The following HMCN2 variants were observed in gnomAD, a reference collection of about 807,000 sequenced individuals.
The protein encoded by HMCN2 is hemicentin 2.
A neutral mutation model predicts 377.5 loss-of-function variants in HMCN2; 325 were observed. The observed-to-expected ratio is 0.86, with a 90% confidence interval of 0.79 to 0.94. The LOEUF (loss-of-function observed/expected upper bound fraction) is 0.94, where lower values mean the gene tolerates loss of function less well. Among genes scored for constraint, HMCN2 ranks in the 40% least tolerant of loss-of-function variants. The pLI is 0.00. For synonymous variants in HMCN2, 2,007 were observed against 2,046.8 expected, an observed-to-expected ratio of 0.98 and a Z score of 0.53; for missense variants, 4,543 against 4,725.3, an observed-to-expected ratio of 0.96 and a Z score of 1.13.
intron 15 of HMCN2, among the ~76,000 whole-genome samples, chr9:130,316,136 A>G (rs1206819960): frequency 6.6e-6 from 1 of 152,222 alleles, no homozygotes; most frequent in African/African-American, 2.4e-5. Context: ...GGCCACTGCC[A>G]TGACTGAACT....
intron 25 of HMCN2, among the ~76,000 whole-genome samples, chr9:130,343,571 C>T (rs1839181243): frequency 5.9e-5 from 9 of 152,062 alleles, no homozygotes. Context: ...TTGACTATGG[C>T]GCCACCTTGC....
rs558647427 is a variant in HMCN2, at chr9:130,407,699, G to A, written c.12682G>A (p.Val4228Met). Residue 4228 changes from valine (V) to methionine (M), a missense_variant, in exon 83 of 98, where the codon GTG becomes ATG. Around this residue, in one of 5 missense-constraint regions of HMCN2, gnomAD observed 1,073 missense variants for 1,319.5 expected, o/e 0.81. Transcript: ENST00000683500. ...GRTQAVSFVHVKEAPVLQGEA... is the reference protein window; with the variant it reads ...GRTQAVSFVHMKEAPVLQGEA... ...CACGCAGGCGGTCAGCTTCGTCCAC[G>A]TGAAGGGTAGGGCACATTCCCCAGG... The A allele has an allele frequency of 7.2e-6, 9 of 1,245,692 alleles. No individual in the cohort carries two copies. The highest frequency in any genetic ancestry group is 6.2e-5 in the African/African-American group (4 of 64,552). 77.2% of individuals were successfully genotyped at this position (1,245,692 alleles called of 1,614,324 possible).
chr9:130,272,994 C>A (rs1554921711), intron 1 of HMCN2, among the ~76,000 whole-genome samples: 1 of 152,128 alleles, frequency 6.6e-6, no homozygotes, highest in South Asian at 2.1e-4. Flanking sequence ...TGTGTTAAAT[C>A]TTGATTTTGG....
intron 1 of HMCN2, among the ~76,000 whole-genome samples, chr9:130,268,367 T>C (rs1430365952): frequency 8.0e-6 from 1 of 124,342 alleles, no homozygotes; most frequent in Non-Finnish European, 2.0e-5. Flanking sequence ...AGCTTCCGAG[T>C]GACACCCCCA....
At chr9:130,432,400 TC>T (rs1261443021) in intron 96 of HMCN2, 28 bp from the exon 97 acceptor site, 1 of 1,550,308 alleles carries the variant, frequency 6.5e-7, no homozygotes, top group Admixed American at 2.0e-5. Flanking sequence ...TTCATCTCCC[TC>T]CCCCGCTTCA....
Position 130,423,577 on chromosome 9 carries a change from G to A in HMCN2, c.13381+851G>A, listed in dbSNP as rs893641709. ...CCAGGCTTTGTTCCATGAAACAGACGCACAGAGAGGCTGGGAAGGTGGTGC... is the reference window on the plus strand; with the variant it reads ...CCAGGCTTTGTTCCATGAAACAGACACACAGAGAGGCTGGGAAGGTGGTGC... On this transcript the variant is annotated intron_variant, in intron 87 of 97. Transcript: ENST00000683500. The surrounding 1 kb of genome is among the most constrained non-coding windows in gnomAD (Gnocchi z 5.5). Among the ~76,000 whole-genome samples, 2 of 152,192 alleles carry A rather than the reference G, an allele frequency of 1.3e-5. No individual in the cohort carries two copies. The highest frequency in any genetic ancestry group is 2.4e-5 in the African/African-American group (1 of 41,450).
Position 130,369,630 on chromosome 9 carries a change from G to C in HMCN2, c.6848G>C (p.Gly2283Ala). ...PPTQVSVVQD[G>A]VATLECNATG... ...ACACAAGTCTCTGTGGTCCAGGATG[G>C]AGTGGCCACTCTGGAGTGCAACGCC... is the stretch of plus-strand genomic sequence containing the variant. Residue 2283 changes from glycine to alanine, a missense_variant, in exon 45 of 98, where the codon GGA (glycine) becomes GCA (alanine). By Grantham distance (60) the Gly-to-Ala change is moderately conservative. Transcript: ENST00000683500. This position sits in a 1 kb window ranked among gnomAD's most constrained non-coding sequence, Gnocchi z 4.5. 1 of 985,906 alleles carries C rather than the reference G, an allele frequency of 1.0e-6. No individual in the cohort carries two copies. Among genetic ancestry groups the C allele is most frequent in the Non-Finnish European group, 1.2e-6 (1 of 829,960 alleles). The allele number at this position is 985,906 out of a possible 1,614,324, so 61.1% of individuals were successfully genotyped here.
Position 130,386,500 on chromosome 9 carries a change from C to T in HMCN2, c.9367C>T (p.Arg3123Trp), listed in dbSNP as rs1453026012. ...KVSNVAGEAV[R>W]TFTLTVQVPP... ...CAGCAACGTGGCTGGGGAGGCCGTG[C>T]GGACCTTCACCCTCACCGTCCAGGG... Residue 3123 changes from arginine to tryptophan, a missense_variant, in exon 61 of 98, where the codon CGG (arginine) becomes TGG (tryptophan). Transcript: ENST00000683500. The T allele has an allele frequency of 8.4e-6, 11 of 1,303,378 alleles. No individual in the cohort carries two copies. The highest frequency in any genetic ancestry group is 3.0e-5 in the African/African-American group (2 of 65,856). The allele number at this position is 1,303,378 out of a possible 1,614,324, so 80.7% of individuals were successfully genotyped here. A position where few individuals can be genotyped will look rare whatever the true frequency, so the allele number is the denominator to read the frequency against.
In HMCN2 at chr9:130,433,965, T is replaced by G; in HGVS notation, c.*272T>G. ...GCCCGGATCAGACCTCCAGGTCTGA[T>G]CCGCCCCTCAGTGGGAGCGGGACAG... is the stretch of plus-strand genomic sequence containing the variant. On this transcript the variant is annotated 3_prime_UTR_variant, in exon 98 of 98. Coordinates refer to ENST00000683500, the MANE Select transcript of HMCN2 (RefSeq NM_001291815.2). 8 of 363,826 alleles carry G rather than the reference T, an allele frequency of 2.2e-5. No homozygotes were observed. Among genetic ancestry groups the G allele is most frequent in the Non-Finnish European group, 2.9e-5 (6 of 205,006 alleles). The allele number at this position is 363,826 out of a possible 1,614,324, so 22.5% of individuals were successfully genotyped here.
Position 130,360,503 on chromosome 9 carries a change from T to C in HMCN2, c.5849T>C (p.Leu1950Pro). 1 of 1,304,164 alleles carries C rather than the reference T, an allele frequency of 7.7e-7. No homozygotes were observed. Among genetic ancestry groups the C allele is most frequent in the Non-Finnish European group, 1.0e-6 (1 of 988,928 alleles). 80.8% of individuals were successfully genotyped at this position (1,304,164 alleles called of 1,614,324 possible). A position where few individuals can be genotyped will look rare whatever the true frequency, so the allele number is the denominator to read the frequency against. Reference protein sequence around the residue: ...GVTVSVDGRVLRIEQAQLSDA... With the variant: ...GVTVSVDGRVPRIEQAQLSDA... The stretch of plus-strand genomic sequence containing the variant: ...ACAGTATCAGTGGATGGGAGAGTTC[T>C]CCGCATTGAGCAAGCCCAGCTTTCT... Residue 1950 changes from leucine (L) to proline (P), a missense_variant, in exon 38 of 98, where the codon CTC becomes CCC. Coordinates refer to ENST00000683500, the MANE Select transcript of HMCN2 (RefSeq NM_001291815.2). The surrounding 1 kb of genome is among the most constrained non-coding windows in gnomAD (Gnocchi z 4.7).
Position 130,347,937 on chromosome 9 carries a change from C to T in HMCN2, c.4024+577C>T. 1 of 942,464 alleles carries T rather than the reference C, an allele frequency of 1.1e-6. No homozygotes were observed. Among genetic ancestry groups the T allele is most frequent in the African/African-American group, 1.8e-5 (1 of 55,338 alleles). 58.4% of individuals were successfully genotyped at this position (942,464 alleles called of 1,614,324 possible). A position where few individuals can be genotyped will look rare whatever the true frequency, so the allele number is the denominator to read the frequency against. Reference sequence around the variant, plus strand: ...CCCACCTCCGGGTTAAAACTGTTACCCCTGGTCTCTTCTCACATTCTTGTC... The same window carrying T: ...CCCACCTCCGGGTTAAAACTGTTACTCCTGGTCTCTTCTCACATTCTTGTC... On this transcript the variant is annotated intron_variant, in intron 26 of 97. Transcript: ENST00000683500. This position sits in a 1 kb window ranked among gnomAD's most constrained non-coding sequence, Gnocchi z 5.1.
intron 75 of HMCN2, 66 bp downstream of exon 75, chr9:130,398,773 G>C (rs751284796): frequency 3.3e-6 from 4 of 1,230,044 alleles, no homozygotes; most frequent in Non-Finnish European, 2.1e-6. Flanking sequence ...CTCTTCTCAC[G>C]GGGGCATGGG....
At chr9:130,371,997 T>C (rs1841049063) in intron 46 of HMCN2, among the ~76,000 whole-genome samples, 1 of 152,182 alleles carries the variant, frequency 6.6e-6, no homozygotes, top group Non-Finnish European at 1.5e-5. Context: ...CATAACCCAT[T>C]ACTCTCCCTT....
At position 130,393,183 on chromosome 9, in the gene HMCN2, CCTT is replaced by C. The variant is rs1588383066; in HGVS notation, c.10137-26_10137-24del. The C allele has an allele frequency of 1.0e-6, 1 of 985,296 alleles. No homozygotes were observed. Among genetic ancestry groups the C allele is most frequent in the Non-Finnish European group, 1.2e-6 (1 of 827,646 alleles). The allele number at this position is 985,296 out of a possible 1,614,324, so 61.0% of individuals were successfully genotyped here. A position where few individuals can be genotyped will look rare whatever the true frequency, so the allele number is the denominator to read the frequency against. ...CTCTCTCTCTCCCTTTCTCTTGTCT[CCTT>C]CTCCCTCTCCTCTCGGGGGATTCAG... On this transcript the variant is annotated intron_variant, in intron 66 of 97. Coordinates refer to ENST00000683500, the MANE Select transcript of HMCN2 (RefSeq NM_001291815.2). The surrounding 1 kb of genome is among the most constrained non-coding windows in gnomAD (Gnocchi z 5.2).
intron 1 of HMCN2, among the ~76,000 whole-genome samples, chr9:130,275,409 C>T (rs1280531330): frequency 6.6e-5 from 10 of 152,154 alleles, no homozygotes; most frequent in Non-Finnish European, 5.9e-5. Context: ...GTGTGTGTAC[C>T]TGTGATTTTT....
chr9:130,271,594 T>G (rs1368438441), intron 1 of HMCN2, among the ~76,000 whole-genome samples: 1 of 149,132 alleles, frequency 6.7e-6, no homozygotes, highest in African/African-American at 2.4e-5. Flanking sequence ...TTTTTGTTTT[T>G]GTTTTTGTTT....
Position 130,392,734 on chromosome 9 carries a change from A to G in HMCN2, c.10137-478A>G, listed in dbSNP as rs186578493. 6.2e-4 allele frequency among the ~76,000 whole-genome samples: 88 copies of G among 142,608 alleles called. 3 individuals carry two copies. The East Asian group carries it at 0.012, about 19-fold the overall frequency. 93.6% of individuals were successfully genotyped at this position (142,608 alleles called of 152,430 possible). ...TTAAGCAGGCCGGGTGCGGTGGCTC[A>G]CGCCTGTAATCCAGCACTTTGGGAG... On this transcript the variant is annotated intron_variant, in intron 66 of 97. Transcript: ENST00000683500.
rs1429910423 is a variant in HMCN2, at chr9:130,424,837, G to T, written c.13443G>T (p.Glu4481Asp). 7 of 1,510,524 alleles carry T rather than the reference G, an allele frequency of 4.6e-6. No homozygotes were observed. Among genetic ancestry groups the T allele is most frequent in the Middle Eastern group, 1.7e-4 (1 of 5,850 alleles). 93.6% of individuals were successfully genotyped at this position (1,510,524 alleles called of 1,614,324 possible). A position where few individuals can be genotyped will look rare whatever the true frequency, so the allele number is the denominator to read the frequency against. Residue 4481 changes from glutamate (E) to aspartate (D), a missense_variant, in exon 88 of 98, where the codon GAG (glutamate) becomes GAT (aspartate). Coordinates refer to ENST00000683500, the MANE Select transcript of HMCN2 (RefSeq NM_001291815.2). ...CCATCTACTGGGCCCTGGCCAGAGAGAGTGGGGAAGCCCTGAATGGCCACT... is the reference window on the plus strand; with the variant it reads ...CCATCTACTGGGCCCTGGCCAGAGATAGTGGGGAAGCCCTGAATGGCCACT... ...IAPIYWALAR[E>D]SGEALNGHSL...
chr9:130,359,320 G>GCC lies in HMCN2; in HGVS notation c.5684_5685dup (p.Asn1896ProfsTer18). On this transcript the variant is annotated frameshift_variant and splice_region_variant, in exon 37 of 98. Coordinates refer to ENST00000683500, the MANE Select transcript of HMCN2 (RefSeq NM_001291815.2). LOFTEE classifies it high-confidence loss of function. The stretch of plus-strand genomic sequence containing the variant: ...GGGTCTCTCCTTGTCTCCCCCTAGT[G>GCC]CCCCCCAACATCGAGCCAGGCCCAG... 1.5e-6 allele frequency: 2 copies of GCC among 1,301,560 alleles called. No individual in the cohort carries two copies. Among genetic ancestry groups the GCC allele is most frequent in the Non-Finnish European group, 2.0e-6 (2 of 986,770 alleles). The allele number at this position is 1,301,560 out of a possible 1,614,324, so 80.6% of individuals were successfully genotyped here. A position where few individuals can be genotyped will look rare whatever the true frequency, so the allele number is the denominator to read the frequency against.
Sources: allele counts gnomAD v4.1 joint callset (sites outside exome capture counted in the v4.1 genomes callset), GRCh38; gene constraint gnomAD v4.1.1; regional missense constraint gnomAD v4.1.1; non-coding constraint Gnocchi (gnomAD v3.1); transcripts MANE v1.5; gene names NCBI Gene and HGNC (gene_info 2026-07-23, HGNC 2026-07-21).